ERC1: variants seen among roughly 807,000 people sequenced by gnomAD.
The protein encoded by ERC1 is RAB6 interacting protein 2.
A neutral mutation model predicts 132.0 loss-of-function variants in ERC1; 56 were observed. The ratio of observed to expected loss-of-function variants is 0.42; its 90% CI spans 0.34 to 0.53. ERC1 has a LOEUF of 0.53. Among genes scored for constraint, ERC1 ranks in the 20% least tolerant of loss-of-function variants. The probability of loss-of-function intolerance (pLI) is 0.03; values close to 1 mark genes in which losing one functional copy is unlikely to be tolerated. For synonymous variants in ERC1, 478 were observed against 476.1 expected (o/e 1.00, Z -0.05); for missense variants, 1,202 against 1,349.9 (o/e 0.89, Z 1.72).
rs559805260 is a variant in ERC1, at chr12:1,124,865, A to T, written c.1569+8832A>T. On this transcript the variant is annotated intron_variant, in intron 7 of 18. Coordinates refer to ENST00000360905, the MANE Select transcript of ERC1 (RefSeq NM_178040.4). Reference sequence around the variant, plus strand: ...CTGGAAAAATATAAAATGACAGAAGAAGTTCAAGAGATAAGAGAAAACATG... The same window carrying T: ...CTGGAAAAATATAAAATGACAGAAGTAGTTCAAGAGATAAGAGAAAACATG... 9.2e-5 allele frequency among the ~76,000 whole-genome samples: 14 copies of T among 152,324 alleles called. No individual in the cohort carries two copies. In the East Asian group the frequency reaches 2.5e-3, roughly 27 times the overall value.
At chr12:1,177,398 T>C (rs1206621227) in intron 8 of ERC1, among the ~76,000 whole-genome samples, 1 of 152,184 alleles carries the variant, frequency 6.6e-6, no homozygotes, top group African/African-American at 2.4e-5. Context: ...CTTAATCATT[T>C]CTAAATTTTG....
intron 17 of ERC1, among the ~76,000 whole-genome samples, chr12:1,426,175 C>G (rs2092632695): frequency 6.6e-6 from 1 of 150,768 alleles, no homozygotes; most frequent in African/African-American, 2.4e-5. Flanking sequence ...GCGATCTCTG[C>G]TCACTGCAAC....
chr12:1,399,640 T>C (rs2090849710), intron 16 of ERC1, among the ~76,000 whole-genome samples: 1 of 152,004 alleles, frequency 6.6e-6, no homozygotes. Flanking sequence ...TGAAATAATA[T>C]ACTATGTTGC....
chr12:1,395,833 G>T (rs989989473), intron 16 of ERC1, among the ~76,000 whole-genome samples: 15 of 152,050 alleles, frequency 9.9e-5, no homozygotes, highest in African/African-American at 3.1e-4. Flanking sequence ...TAGTTTTCAT[G>T]GGAAATATGT....
intron 14 of ERC1, among the ~76,000 whole-genome samples, chr12:1,267,710 C>T (rs2077566508): frequency 6.6e-6 from 1 of 152,102 alleles, no homozygotes; most frequent in African/African-American, 2.4e-5. Flanking sequence ...TGCAGTGAGC[C>T]ATGATTGTAC....
intron 8 of ERC1, among the ~76,000 whole-genome samples, chr12:1,143,691 A>C (rs949955890): frequency 1.3e-4 from 20 of 151,712 alleles, no homozygotes; most frequent in African/African-American, 4.4e-4. Flanking sequence ...AGTACATAAA[A>C]TTTGTAGTTA....
chr12:1,110,909 G>T (rs1367341649), intron 5 of ERC1, among the ~76,000 whole-genome samples: 1 of 151,962 alleles, frequency 6.6e-6, no homozygotes, highest in Non-Finnish European at 1.5e-5. Flanking sequence ...TCACCTTGTT[G>T]GCCTGGCTGG....
intron 15 of ERC1, among the ~76,000 whole-genome samples, chr12:1,314,604 T>G (rs1349314479): frequency 1.3e-5 from 2 of 152,194 alleles, no homozygotes; most frequent in African/African-American, 4.8e-5. Flanking sequence ...CCCTGGTAAA[T>G]TGACATAAGG....
At chr12:1,183,039 T>A (rs1004079629) in intron 10 of ERC1, among the ~76,000 whole-genome samples, 2 of 152,226 alleles carry the variant, frequency 1.3e-5, no homozygotes, top group Non-Finnish European at 1.5e-5. Context: ...TGGTTTATTT[T>A]GTATTGACAG....
At chr12:1,370,470 T>C (rs1015190012) in intron 15 of ERC1, among the ~76,000 whole-genome samples, 16 of 152,242 alleles carry the variant, frequency 1.1e-4, no homozygotes, top group African/African-American at 3.1e-4. Flanking sequence ...ATCCACGTTA[T>C]TAAAGTCTGC....
chr12:1,171,356 CTTTTTTTTTTTTTT>C (rs57007848), intron 8 of ERC1, among the ~76,000 whole-genome samples: 1 of 87,300 alleles, frequency 1.1e-5, no homozygotes, highest in Non-Finnish European at 2.4e-5. Flanking sequence ...GCAAAACATT[CTTTTTTTTTTTTTT>C]TTTTTTTTTG....
At chr12:1,216,963 AT>A (rs1200055947) in intron 12 of ERC1, among the ~76,000 whole-genome samples, 1 of 152,192 alleles carries the variant, frequency 6.6e-6, no homozygotes, top group Non-Finnish European at 1.5e-5. Flanking sequence ...TACTATGAAC[AT>A]TTTACTTAGA....
intron 8 of ERC1, among the ~76,000 whole-genome samples, chr12:1,142,774 G>A (rs1323731824): frequency 1.3e-5 from 2 of 152,114 alleles, no homozygotes; most frequent in African/African-American, 4.8e-5. Context: ...TCTATTATTT[G>A]TTTATATGCT....
chr12:1,239,882 C>G (rs1378540168), intron 13 of ERC1, among the ~76,000 whole-genome samples: 1 of 152,198 alleles, frequency 6.6e-6, no homozygotes, highest in East Asian at 1.9e-4. Context: ...TTGCTGTCTC[C>G]TGTCCCTAGG....
intron 2 of ERC1, among the ~76,000 whole-genome samples, chr12:1,042,350 T>TC (rs1970375576): frequency 7.0e-6 from 1 of 142,644 alleles, no homozygotes; most frequent in African/African-American, 2.6e-5. Context: ...TTTTTTTTTT[T>TC]TTTTTTCTTT....
At chr12:1,069,206 A>G (rs942181043) in intron 2 of ERC1, among the ~76,000 whole-genome samples, 2 of 152,154 alleles carry the variant, frequency 1.3e-5, no homozygotes, top group Admixed American at 6.5e-5. Context: ...CAGTTTGATC[A>G]TTTATACCAA....
intron 12 of ERC1, among the ~76,000 whole-genome samples, chr12:1,224,553 C>G (rs993720009): frequency 2.0e-5 from 3 of 151,900 alleles, no homozygotes; most frequent in African/African-American, 7.3e-5. Context: ...CTTTGTATAT[C>G]TAGTCTGATA....
At chr12:1,285,857 G>A (rs558731739) in intron 14 of ERC1, among the ~76,000 whole-genome samples, 18 of 152,238 alleles carry the variant, frequency 1.2e-4, no homozygotes, top group Admixed American at 4.6e-4. Context: ...AAAAGCTTAG[G>A]CCTGTCTCAA....
At chr12:1,477,891 C>T (rs1297075810) in intron 18 of ERC1, among the ~76,000 whole-genome samples, 1 of 152,198 alleles carries the variant, frequency 6.6e-6, no homozygotes, top group Admixed American at 6.5e-5. Context: ...CATTCAACAT[C>T]ATGTTTACGA....
Sources: gnomAD v4.1 joint callset for allele counts (sites outside exome capture counted in the v4.1 genomes callset) on GRCh38, gnomAD v4.1.1 for gene constraint, MANE v1.5 for transcripts, NCBI Gene and HGNC (gene_info 2026-07-23, HGNC 2026-07-21) for gene names.